Variants in TIMM44 observed in about 807,000 individuals in gnomAD.
TIMM44 encodes the protein translocase of inner mitochondrial membrane 44.
A neutral mutation model predicts 63.8 loss-of-function variants in TIMM44; 37 were observed. The observed-to-expected ratio is 0.58, with a 90% CI of 0.45 to 0.76. The LOEUF is 0.76. TIMM44 is among the 30% of genes least tolerant of loss of function. The probability of loss-of-function intolerance (pLI) is 0.00; values close to 1 mark genes in which losing one functional copy is unlikely to be tolerated. For missense variants in TIMM44, 573 were observed against 603.8 expected, an observed-to-expected ratio of 0.95 and a Z score of 0.54; for synonymous variants, 239 against 245.1, an observed-to-expected ratio of 0.98 and a Z score of 0.23.
intron 2 of TIMM44, among the ~76,000 whole-genome samples, chr19:7,940,022 A>G (rs554758537): frequency 6.6e-6 from 1 of 152,286 alleles, no homozygotes; most frequent in East Asian, 1.9e-4. Context: ...TACCAGCTCC[A>G]GGTGGGATCC....
In TIMM44 at chr19:7,934,309, G is replaced by A; in HGVS notation, c.394-71C>T. ...GGCCGGGGGGCGGGGCAGGAGGAAT[G>A]AATTCCTGCCGGAGAGAAGGGCGGA... On this transcript the variant is annotated intron_variant, in intron 4 of 12. Transcript: ENST00000270538. This position sits in a 1 kb window ranked among gnomAD's most constrained non-coding sequence, Gnocchi z 5.3. 1 of 1,575,948 alleles carries A rather than the reference G, an allele frequency of 6.3e-7. No homozygotes were observed. The highest frequency in any genetic ancestry group is 8.6e-7 in the Non-Finnish European group (1 of 1,157,496).
rs755914550 is a variant in TIMM44 at position 7,941,117 on chromosome 19, G to A, written c.126C>T (p.Gly42=). 18 of 1,613,642 alleles carry A rather than the reference G, an allele frequency of 1.1e-5. No homozygotes were observed. The highest frequency in any genetic ancestry group is 1.6e-4 in the Middle Eastern group (1 of 6,078). Reference sequence around the variant, plus strand: ...AGTCACTCACCAGTGGCAGCTCTCCGCCCGGCCGGCGCATCTGATAGGTCG... The same window carrying A: ...AGTCACTCACCAGTGGCAGCTCTCCACCCGGCCGGCGCATCTGATAGGTCG... ...HGSTYQMRRP[G]GELPLSKSYS... The change falls in exon 2 of 13, where the codon GGC becomes GGT. Residue 42 remains glycine (G), a synonymous_variant. Coordinates refer to ENST00000270538, the MANE Select transcript of TIMM44 (RefSeq NM_006351.4).
chr19:7,930,095 C>T (rs1483225605), intron 10 of TIMM44, among the ~76,000 whole-genome samples: 1 of 151,748 alleles, frequency 6.6e-6, no homozygotes, highest in Middle Eastern at 3.2e-3. Context: ...GTGATCCGCC[C>T]GCCTCAGCCT....
chr19:7,935,167 C>CAT, intron 3 of TIMM44, 22 bp from the exon 4 acceptor site: 2 of 1,254,054 alleles, frequency 1.6e-6, no homozygotes, highest in Non-Finnish European at 2.2e-6. Context: ...GCGCTGTGTC[C>CAT]TTTTTTTTTT....
chr19:7,941,615 C>A (rs1401307916), intron 1 of TIMM44, among the ~76,000 whole-genome samples: 1 of 151,720 alleles, frequency 6.6e-6, no homozygotes, highest in African/African-American at 2.4e-5. Flanking sequence ...TATCTTATGC[C>A]TGATGCATGC....
chr19:7,935,261 A>G (rs3745388), intron 3 of TIMM44, 116 bp from the exon 4 acceptor site: 232,827 of 938,404 alleles, frequency 0.25, 31,447 homozygotes, highest in Non-Finnish European at 0.28. Flanking sequence ...CTCCTGCCAG[A>G]TTCAAGCGAT....
At chr19:7,941,573 A>T (rs943334552) in intron 1 of TIMM44, among the ~76,000 whole-genome samples, 1 of 151,974 alleles carries the variant, frequency 6.6e-6, no homozygotes. Context: ...TACAGGCATG[A>T]GCCACTGCAC....
At chr19:7,928,745 G>A (rs961372589) in intron 10 of TIMM44, 2 of 151,482 alleles carry the variant, frequency 1.3e-5, no homozygotes, top group African/African-American at 4.9e-5. Flanking sequence ...TCCGCGGAGG[G>A]GAGAGAAAAA....
intron 3 of TIMM44, among the ~76,000 whole-genome samples, chr19:7,936,464 C>CA (rs1219523868): frequency 6.6e-6 from 1 of 151,978 alleles, no homozygotes; most frequent in Non-Finnish European, 1.5e-5. Context: ...AGGAGAAAAA[C>CA]AAAAAACGAA....
rs974391640 is a variant in TIMM44 at position 7,931,056 on chromosome 19, A to G, written c.1038+82T>C. On this transcript the variant is annotated intron_variant, in intron 10 of 12. Coordinates refer to ENST00000270538, the MANE Select transcript of TIMM44 (RefSeq NM_006351.4). The stretch of plus-strand genomic sequence containing the variant: ...GTCCTGCCTGTTGGGAGCTACCCCA[A>G]CGGAGCCACCGAAGTGGAACTTCTC... 5 of 1,382,324 alleles carry G rather than the reference A, an allele frequency of 3.6e-6. No individual in the cohort carries two copies. The African/African-American group carries it at 4.4e-5, about 12-fold the overall frequency. The allele number at this position is 1,382,324 out of a possible 1,614,324, so 85.6% of individuals were successfully genotyped here. A position where few individuals can be genotyped will look rare whatever the true frequency, so the allele number is the denominator to read the frequency against.
At position 7,927,028 on chromosome 19, in the gene TIMM44, T is replaced by C. The variant is rs1983826669; in HGVS notation, c.*159A>G. 9.3e-7 allele frequency: 1 copy of C among 1,079,076 alleles called. No homozygotes were observed. Among genetic ancestry groups the C allele is most frequent in the Non-Finnish European group, 1.3e-6 (1 of 745,938 alleles). The allele number at this position is 1,079,076 out of a possible 1,614,324, so 66.8% of individuals were successfully genotyped here. ...GCTGCCGCGCACCCGCAACAGCCCG[T>C]TGTCCCCTCCCGGGCCAGCTGGTCT... On this transcript the variant is annotated 3_prime_UTR_variant, in exon 13 of 13. Transcript: ENST00000270538.
At chr19:7,930,303 CTTTTTTTT>C (rs71179159) in intron 10 of TIMM44, among the ~76,000 whole-genome samples, 8 of 109,480 alleles carry the variant, frequency 7.3e-5, no homozygotes, top group African/African-American at 2.2e-4. Context: ...ATGCTTGGCT[CTTTTTTTT>C]TTTTTTTTTT....
Position 7,934,503 on chromosome 19 carries a change from T to C in TIMM44, c.394-265A>G, listed in dbSNP as rs9676701. ...GAGCACACCGGCACCCCCAGAGCCATGAGCACACCGCCACGGCTTCCGGGA... is the reference window on the plus strand; with the variant it reads ...GAGCACACCGGCACCCCCAGAGCCACGAGCACACCGCCACGGCTTCCGGGA... On this transcript the variant is annotated intron_variant, in intron 4 of 12. Transcript: ENST00000270538. The surrounding 1 kb of genome is among the most constrained non-coding windows in gnomAD (Gnocchi z 5.3). Among the ~76,000 whole-genome samples the C allele has an allele frequency of 0.25, 38,176 of 150,758 alleles. 5,072 individuals are homozygous for C. The highest frequency in any genetic ancestry group is 0.3 in the Non-Finnish European group (19,982 of 67,648).
At chr19:7,937,128 AAT>A (rs1984178180) in intron 3 of TIMM44, among the ~76,000 whole-genome samples, 1 of 151,772 alleles carries the variant, frequency 6.6e-6, no homozygotes, top group African/African-American at 2.4e-5. Flanking sequence ...AACAACAACA[AAT>A]CAGCTGGGTG....
chr19:7,932,325 G>A (rs1052977706), intron 9 of TIMM44: 2 of 459,522 alleles, frequency 4.4e-6, no homozygotes, highest in East Asian at 4.3e-5. Context: ...CCAGGCACCT[G>A]AGACAATCCC....
chr19:7,932,565 C>A, intron 9 of TIMM44, 62 bp downstream of exon 9: 1 of 1,584,074 alleles, frequency 6.3e-7, no homozygotes. Context: ...CCGGCTGCGG[C>A]GGGGGAGGTG....
intron 2 of TIMM44, among the ~76,000 whole-genome samples, chr19:7,939,306 T>C (rs1984238524): frequency 6.6e-6 from 1 of 152,038 alleles, no homozygotes; most frequent in Admixed American, 6.6e-5. Flanking sequence ...GCTCAAAAGA[T>C]AAAGCCTTGT....
In TIMM44 at chr19:7,934,230, G is replaced by C. The variant is rs781382929; in HGVS notation, c.402C>G (p.His134Gln). The change falls in exon 5 of 13, where the codon CAC becomes CAG. Residue 134 changes from histidine to glutamine, a missense_variant. Physicochemically the swap from His to Gln is conservative, Grantham distance 24. Coordinates refer to ENST00000270538, the MANE Select transcript of TIMM44 (RefSeq NM_006351.4). This position sits in a 1 kb window ranked among gnomAD's most constrained non-coding sequence, Gnocchi z 5.3. ...GGCCGAGATCACTTTTACTGACTTC[G>C]TGAAGGCTCTACTGAGACAGACACA... ...ELTGTVKESL[H>Q]EVSKSDLGRK... 2 of 1,612,108 alleles carry C rather than the reference G, an allele frequency of 1.2e-6. No homozygotes were observed. The highest frequency in any genetic ancestry group is 8.5e-7 in the Non-Finnish European group (1 of 1,179,982).
At chr19:7,928,822 G>A (rs774459712) in intron 10 of TIMM44, 2 of 151,140 alleles carry the variant, frequency 1.3e-5, no homozygotes, top group East Asian at 1.9e-4. Context: ...TTCTGTGGAC[G>A]TGGCTGGAAC....
Sources: gnomAD v4.1 joint callset for allele counts (sites outside exome capture counted in the v4.1 genomes callset) on GRCh38, gnomAD v4.1.1 for gene constraint, Gnocchi (gnomAD v3.1) non-coding constraint, MANE v1.5 for transcripts, NCBI Gene and HGNC (gene_info 2026-07-23, HGNC 2026-07-21) for gene names.